Variants in MAF observed in about 807,000 individuals in gnomAD.
The protein encoded by MAF is MAF bZIP transcription factor, also known as transcription factor Maf.
MAF carries 10 observed loss-of-function variants against 22.0 expected under a neutral mutation model. The observed-to-expected ratio is 0.45, with a 90% CI of 0.28 to 0.77. The LOEUF (loss-of-function observed/expected upper bound fraction) is 0.77. Among genes scored for constraint, MAF ranks in the 30% least tolerant of loss-of-function variants. The pLI, the probability that MAF is intolerant of heterozygous loss-of-function variation, is 0.12. For missense variants in MAF, 544 were observed against 548.4 expected, an observed-to-expected ratio of 0.99 and a Z score of 0.08; for synonymous variants, 337 against 255.8, an observed-to-expected ratio of 1.32 and a Z score of -3.03.
chr16:79,479,127 C>G, the MAF span, among the ~76,000 whole-genome samples: 2 of 150,654 alleles, frequency 1.3e-5, no homozygotes, highest in African/African-American at 4.9e-5. Context: ...GTATACCATT[C>G]TGGTGCACCT....
chr16:79,564,808 C>T, the MAF span, among the ~76,000 whole-genome samples: 2 of 152,284 alleles, frequency 1.3e-5, no homozygotes, highest in Admixed American at 6.5e-5. Flanking sequence ...CCAAGGCCAA[C>T]CATTGACAGA....
the MAF span, among the ~76,000 whole-genome samples, chr16:79,573,259 T>G: frequency 6.6e-6 from 1 of 152,256 alleles, no homozygotes; most frequent in Non-Finnish European, 1.5e-5. Flanking sequence ...TTGCTCTGCA[T>G]AAGTTTTAAA....
At chr16:79,389,248 G>C in the MAF span, among the ~76,000 whole-genome samples, 8 of 152,074 alleles carry the variant, frequency 5.3e-5, no homozygotes, top group East Asian at 1.9e-4. Flanking sequence ...GCTGAAGATC[G>C]CTCTTTATTT....
At chr16:79,363,132 T>C in the MAF span, among the ~76,000 whole-genome samples, 1 of 152,058 alleles carries the variant, frequency 6.6e-6, no homozygotes, top group East Asian at 1.9e-4. Context: ...TATCTATTAA[T>C]TTAAAAATCA....
chr16:79,506,317 G>T, the MAF span, among the ~76,000 whole-genome samples: 1 of 152,162 alleles, frequency 6.6e-6, no homozygotes, highest in Admixed American at 6.5e-5. Flanking sequence ...AAAGTCCAAG[G>T]CCTTGGGTTC....
At chr16:79,231,741 G>A in the MAF span, among the ~76,000 whole-genome samples, 2 of 152,068 alleles carry the variant, frequency 1.3e-5, no homozygotes, top group South Asian at 2.1e-4. Flanking sequence ...TCTGTGGACC[G>A]GAGTTAGGTG....
the MAF span, among the ~76,000 whole-genome samples, chr16:79,221,074 T>A: frequency 2.6e-5 from 4 of 152,232 alleles, no homozygotes; most frequent in African/African-American, 7.2e-5. Context: ...TGCCAGCCTT[T>A]TGATAGTGTT....
downstream of MAF, among the ~76,000 whole-genome samples, chr16:79,590,055 C>T (rs887786700): frequency 6.6e-6 from 1 of 152,150 alleles, no homozygotes; most frequent in African/African-American, 2.4e-5. Context: ...TACTGTACGC[C>T]CCTCGGGGGA....
chr16:79,381,647 T>C, the MAF span, among the ~76,000 whole-genome samples: 1 of 152,200 alleles, frequency 6.6e-6, no homozygotes, highest in Non-Finnish European at 1.5e-5. Flanking sequence ...TGGGGGCCCA[T>C]GTTCCACTTT....
At chr16:79,377,493 T>C in the MAF span, among the ~76,000 whole-genome samples, 1 of 152,360 alleles carries the variant, frequency 6.6e-6, no homozygotes, top group African/African-American at 2.4e-5. Context: ...TTCACTCTGA[T>C]GGTAGTTTCT....
the MAF span, among the ~76,000 whole-genome samples, chr16:79,242,264 G>C: frequency 2.4e-4 from 36 of 151,274 alleles, no homozygotes; most frequent in Non-Finnish European, 3.8e-4. Flanking sequence ...AAAGAGTCAA[G>C]ACCCATAGGT....
the MAF span, among the ~76,000 whole-genome samples, chr16:79,572,844 C>T: frequency 6.6e-6 from 1 of 152,168 alleles, no homozygotes; most frequent in Non-Finnish European, 1.5e-5. Context: ...AATTAAAATT[C>T]CCAAACATGA....
the MAF span, among the ~76,000 whole-genome samples, chr16:79,325,855 A>G: frequency 6.6e-6 from 1 of 152,214 alleles, no homozygotes; most frequent in South Asian, 2.1e-4. Flanking sequence ...ACGTGAAATG[A>G]TACAGACGGC....
chr16:79,311,303 G>C, the MAF span, among the ~76,000 whole-genome samples: 1 of 151,928 alleles, frequency 6.6e-6, no homozygotes, highest in Admixed American at 6.6e-5. Flanking sequence ...TGCACCTTCT[G>C]GCTCCAGAGA....
At chr16:79,420,283 G>T in the MAF span, among the ~76,000 whole-genome samples, 3 of 152,134 alleles carry the variant, frequency 2.0e-5, no homozygotes, top group Admixed American at 2.0e-4. Flanking sequence ...ATGTGATTTT[G>T]TGGGCACGAG....
At chr16:79,278,621 G>T in the MAF span, among the ~76,000 whole-genome samples, 1 of 152,208 alleles carries the variant, frequency 6.6e-6, no homozygotes, top group Admixed American at 6.5e-5. Flanking sequence ...GTCTGAAAGC[G>T]CAAGAGCTGT....
chr16:79,352,311 T>G, the MAF span, among the ~76,000 whole-genome samples: 18 of 152,168 alleles, frequency 1.2e-4, no homozygotes, highest in Admixed American at 1.2e-3. Context: ...GTATTCCACG[T>G]CTTCTATAAT....
At chr16:79,571,275 C>G in the MAF span, among the ~76,000 whole-genome samples, 1 of 152,110 alleles carries the variant, frequency 6.6e-6, no homozygotes, top group African/African-American at 2.4e-5. Context: ...GAAGAATCAG[C>G]TCCACCCTCA....
At chr16:79,470,364 C>T in the MAF span, among the ~76,000 whole-genome samples, 4 of 152,100 alleles carry the variant, frequency 2.6e-5, no homozygotes, top group South Asian at 2.1e-4. Flanking sequence ...TGAGCCCCCC[C>T]AGGGGCTCAG....
Sources: gnomAD v4.1 joint callset for allele counts (sites outside exome capture counted in the v4.1 genomes callset) on GRCh38, gnomAD v4.1.1 for gene constraint, MANE v1.5 for transcripts, NCBI Gene and HGNC (gene_info 2026-07-23, HGNC 2026-07-21) for gene names.